Variants in CACNA1C observed in about 807,000 individuals in gnomAD.
The protein encoded by CACNA1C is voltage-dependent L-type calcium channel subunit alpha-1C.
A neutral mutation model predicts 229.0 loss-of-function variants in CACNA1C; 30 were observed. The observed-to-expected ratio is 0.13, with a 90% CI of 0.10 to 0.18. The LOEUF (loss-of-function observed/expected upper bound fraction) is 0.18, where lower values mean the gene tolerates loss of function less well. Ranked by LOEUF, CACNA1C falls within the 10% of genes least tolerant of loss-of-function variation. The pLI is 1.00. For missense variants in CACNA1C, 1,658 were observed against 2,845.0 expected, an observed-to-expected ratio of 0.58 and a Z score of 9.49; for synonymous variants, 1,114 against 1,132.5, an observed-to-expected ratio of 0.98 and a Z score of 0.33.
intron 1 of CACNA1C, among the ~76,000 whole-genome samples, chr12:2,017,035 G>A (rs2045512129): frequency 1.3e-5 from 2 of 152,208 alleles, no homozygotes; most frequent in African/African-American, 4.8e-5. Context: ...TTTGGACTTT[G>A]GGAATTTGGA....
intron 37 of CACNA1C, chr12:2,668,715 C>T: frequency 1.8e-6 from 1 of 546,062 alleles, no homozygotes; most frequent in East Asian, 3.0e-5. Flanking sequence ...CTCATGAGTA[C>T]TCACTCACCA....
chr12:2,362,566 G>A (rs1032373789), intron 3 of CACNA1C, among the ~76,000 whole-genome samples: 7 of 152,186 alleles, frequency 4.6e-5, no homozygotes, highest in African/African-American at 1.7e-4. Flanking sequence ...CTGCTGGGGT[G>A]CATGTGTGTC....
In CACNA1C at chr12:2,646,044, T is replaced by C. The variant is rs1353288159; in HGVS notation, c.3913-2431T>C. ...TCTCTTGTCTGCCATTATAGAGACA[T>C]GCCATAGGAAATGTTAAATCAATAC... On this transcript the variant is annotated intron_variant, in intron 30 of 46. Coordinates refer to ENST00000399655, the MANE Select transcript of CACNA1C (RefSeq NM_000719.7). This position sits in a 1 kb window ranked among gnomAD's most constrained non-coding sequence, Gnocchi z 4.6. Among the ~76,000 whole-genome samples the C allele has an allele frequency of 1.3e-5, 2 of 152,212 alleles. No homozygotes were observed. The highest frequency in any genetic ancestry group is 4.8e-5 in the African/African-American group (2 of 41,450).
chr12:2,612,170 C>T (rs763306103), intron 29 of CACNA1C, 157 bp downstream of exon 29: 122 of 608,100 alleles, frequency 2.0e-4, no homozygotes, highest in Non-Finnish European at 3.2e-4. Context: ...AACTCCTACA[C>T]CTGCCCAGAG....
chr12:2,615,705 G>A (rs371293133), intron 29 of CACNA1C, among the ~76,000 whole-genome samples: 1 of 152,206 alleles, frequency 6.6e-6, no homozygotes, highest in Non-Finnish European at 1.5e-5. Flanking sequence ...GGAGCCTGGC[G>A]CGGGAAGCAG....
intron 1 of CACNA1C, among the ~76,000 whole-genome samples, chr12:2,085,797 G>A (rs889796387): frequency 6.6e-6 from 1 of 152,130 alleles, no homozygotes; most frequent in Non-Finnish European, 1.5e-5. Flanking sequence ...CTAGCACCCT[G>A]TCCACTGTAA....
At chr12:2,334,476 G>A (rs111801878) in intron 3 of CACNA1C, among the ~76,000 whole-genome samples, 9 of 152,276 alleles carry the variant, frequency 5.9e-5, no homozygotes, top group Admixed American at 2.0e-4. Context: ...GTAGTGAGGC[G>A]AAGTGGGCTT....
chr12:2,610,488 C>G (rs184829820), intron 27 of CACNA1C, 53 bp from the exon 28 acceptor site: 163 of 1,562,202 alleles, frequency 1.0e-4, no homozygotes, highest in Middle Eastern at 1.7e-4. Context: ...CAGCTCCCCC[C>G]ACACCCTCCA....
intron 9 of CACNA1C, among the ~76,000 whole-genome samples, chr12:2,536,079 C>T (rs193104285): frequency 9.8e-5 from 15 of 152,292 alleles, no homozygotes; most frequent in Admixed American, 2.6e-4. Context: ...AAGTCTTGCT[C>T]CATACTCAAG....
chr12:2,261,919 C>A (rs2154403271), intron 3 of CACNA1C, among the ~76,000 whole-genome samples: 1 of 152,324 alleles, frequency 6.6e-6, no homozygotes, highest in African/African-American at 2.4e-5. Context: ...ACATAGTAGC[C>A]TTTCCTCCTA....
At chr12:2,612,321 C>A in intron 29 of CACNA1C, 1 of 316,044 alleles carries the variant, frequency 3.2e-6, no homozygotes, top group Non-Finnish European at 5.9e-6. Context: ...TCCTATGTCC[C>A]ATCCTCTAGT....
intron 9 of CACNA1C, among the ~76,000 whole-genome samples, chr12:2,541,273 G>C (rs772151691): frequency 1.6e-4 from 24 of 152,176 alleles, no homozygotes; most frequent in Non-Finnish European, 2.6e-4. Context: ...CCAAATTACA[G>C]GGTGTTTTAG....
At chr12:2,590,764 G>T (rs1405497221) in intron 18 of CACNA1C, among the ~76,000 whole-genome samples, 3 of 152,058 alleles carry the variant, frequency 2.0e-5, no homozygotes, top group African/African-American at 7.2e-5. Context: ...AGTAAATATG[G>T]GTTTCTGTAA....
At chr12:2,115,149 TG>T in intron 1 of CACNA1C, 74 bp from the exon 2 acceptor site, 1 of 1,174,712 alleles carries the variant, frequency 8.5e-7, no homozygotes, top group Non-Finnish European at 1.2e-6. Flanking sequence ...ATTGTGAATC[TG>T]GGGTCCAGAG....
rs2099418105 is a variant in CACNA1C at position 2,456,307 on chromosome 12, GC to G, written c.618-1258del. On this transcript the variant is annotated intron_variant, in intron 4 of 46. Coordinates refer to ENST00000399655, the MANE Select transcript of CACNA1C (RefSeq NM_000719.7). ...TGTTCTGAGCCACCCAGTGTCTCGC[GC>G]CTGGATGACTGCCGCAGCTGGTCTC... Among the ~76,000 whole-genome samples the G allele has an allele frequency of 3.3e-5, 5 of 152,268 alleles. No homozygotes were observed. In the South Asian group the frequency reaches 1.0e-3, roughly 32 times the overall value.
In CACNA1C at chr12:2,240,277, A is replaced by T. The variant is rs534950378; in HGVS notation, c.477+119847A>T. ...CCTTGCTCCCCTTCTTGCTGGAGTT[A>T]AAGGTGGATGCTGGTTGCAGACATT... On this transcript the variant is annotated intron_variant, in intron 3 of 46. Coordinates refer to ENST00000399655, the MANE Select transcript of CACNA1C (RefSeq NM_000719.7). Among the ~76,000 whole-genome samples, 365 of 152,352 alleles carry T rather than the reference A, an allele frequency of 2.4e-3. 1 individual carries two copies. The highest frequency in any genetic ancestry group is 2.5e-3 in the Non-Finnish European group (167 of 68,032).
chr12:2,006,600 C>T (rs1378120996), intron 1 of CACNA1C, among the ~76,000 whole-genome samples: 1 of 152,074 alleles, frequency 6.6e-6, no homozygotes, highest in African/African-American at 2.4e-5. Flanking sequence ...AGATACGGCA[C>T]ACATACCCTC....
intron 3 of CACNA1C, among the ~76,000 whole-genome samples, chr12:2,205,289 G>T (rs1383715664): frequency 6.6e-6 from 1 of 152,216 alleles, no homozygotes; most frequent in African/African-American, 2.4e-5. Flanking sequence ...GAGAGGCCAG[G>T]TGTCCACACT....
intron 3 of CACNA1C, among the ~76,000 whole-genome samples, chr12:2,411,552 C>A (rs2098807275): frequency 6.6e-6 from 1 of 152,178 alleles, no homozygotes; most frequent in African/African-American, 2.4e-5. Context: ...TGCCTCTGTT[C>A]CTAGTCCCCG....
Sources: allele counts gnomAD v4.1 joint callset (sites outside exome capture counted in the v4.1 genomes callset), GRCh38; gene constraint gnomAD v4.1.1; non-coding constraint Gnocchi (gnomAD v3.1); transcripts MANE v1.5; gene names NCBI Gene and HGNC (gene_info 2026-07-23, HGNC 2026-07-21).